NUP188: variants seen among roughly 807,000 people sequenced by gnomAD.
NUP188 encodes nucleoporin NUP188.
NUP188 carries 97 observed loss-of-function variants against 223.0 expected under a neutral mutation model. The ratio of observed to expected loss-of-function variants is 0.43; its 90% CI spans 0.37 to 0.51. The LOEUF is 0.51. Ranked by LOEUF, NUP188 falls within the 20% of genes least tolerant of loss-of-function variation. NUP188 has a pLI of 0.00. For synonymous variants in NUP188, 869 were observed against 828.0 expected (o/e 1.05, Z -0.85); for missense variants, 1,947 against 2,175.6 (o/e 0.89, Z 2.09).
At position 128,995,374 on chromosome 9, in the gene NUP188, C is replaced by G. The variant is rs147735262; in HGVS notation, c.3211C>G (p.Arg1071Gly). The change falls in exon 30 of 44, where the codon CGC becomes GGC. Residue 1071 changes from arginine to glycine, a missense_variant. By Grantham distance (125) the Arg-to-Gly change is moderately radical (BLOSUM62 -2). Coordinates refer to ENST00000372577, the MANE Select transcript of NUP188 (RefSeq NM_015354.3). ...ACTGAAGAAATTTTCCATCGAGAAA[C>G]GCTTTGCCTACTGGTCAGGGTATGT... ...DTLKKFSIEK[R>G]FAYWSGYVKS... 4 of 1,614,032 alleles carry G rather than the reference C, an allele frequency of 2.5e-6. No homozygotes were observed. Among genetic ancestry groups the G allele is most frequent in the Non-Finnish European group, 3.4e-6 (4 of 1,179,998 alleles).
chr9:128,990,144 C>T lies in NUP188; in HGVS notation c.2558C>T (p.Ala853Val). 1 of 1,614,012 alleles carries T rather than the reference C, an allele frequency of 6.2e-7. No individual in the cohort carries two copies. The highest frequency in any genetic ancestry group is 1.3e-5 in the African/African-American group (1 of 75,038). The change falls in exon 25 of 44, where the codon GCT (alanine) becomes GTT (valine). Residue 853 changes from alanine (A) to valine (V), a missense_variant. Transcript: ENST00000372577. ...GGTGCTCATGGAAACAACCTCATTGCTGTTCTAGCCAAATACATCTACCAC... is the reference window on the plus strand; with the variant it reads ...GGTGCTCATGGAAACAACCTCATTGTTGTTCTAGCCAAATACATCTACCAC... ...QHGAHGNNLIAVLAKYIYHKH... is the reference protein window; with the variant it reads ...QHGAHGNNLIVVLAKYIYHKH...
At chr9:128,953,019 A>G (rs927247155) in intron 3 of NUP188, 173 bp downstream of exon 3, 2 of 546,128 alleles carry the variant, frequency 3.7e-6, no homozygotes, top group Non-Finnish European at 6.6e-6. Flanking sequence ...GTTGACCGAA[A>G]GAAAAGGAAA....
chr9:128,984,369 G>A (rs573035164), intron 19 of NUP188, among the ~76,000 whole-genome samples: 57 of 152,032 alleles, frequency 3.7e-4, no homozygotes, highest in African/African-American at 1.2e-3. Flanking sequence ...CAACTGATCC[G>A]CCTGCCTTGG....
At chr9:128,981,239 G>C in intron 14 of NUP188, 25 bp from the exon 15 acceptor site, 1 of 1,610,038 alleles carries the variant, frequency 6.2e-7, no homozygotes, top group Non-Finnish European at 8.5e-7. Context: ...AGGGAAATGT[G>C]TGATGGTTTT....
At chr9:128,997,041 C>T (rs1485380027) in intron 30 of NUP188, among the ~76,000 whole-genome samples, 3 of 152,056 alleles carry the variant, frequency 2.0e-5, no homozygotes, top group East Asian at 1.9e-4. Flanking sequence ...TGATAATTTG[C>T]TGTGAAGGAA....
intron 20 of NUP188, chr9:128,985,256 G>A (rs1179292738): frequency 1.5e-5 from 6 of 394,874 alleles, no homozygotes; most frequent in Non-Finnish European, 2.7e-5. Context: ...TTATGAAGTA[G>A]AATGGAAGAG....
chr9:129,002,859 C>T lies in NUP188; in HGVS notation c.4180C>T (p.Pro1394Ser). ...SRKSLDAPSW[P>S]GVYRLSMSLM... ...GAAGTCCCTGGATGCCCCCTCTTGG[C>T]CAGGAGTCTACCGCCTGTCCATGTC... Residue 1394 changes from proline (P) to serine (S), a missense_variant, in exon 37 of 44, where the codon CCA becomes TCA. This residue lies in a region of NUP188 where 905 missense variants were observed against 990.6 expected (regional missense o/e 0.91). Coordinates refer to ENST00000372577, the MANE Select transcript of NUP188 (RefSeq NM_015354.3). The T allele has an allele frequency of 1.2e-6, 2 of 1,614,218 alleles. No individual in the cohort carries two copies. Among genetic ancestry groups the T allele is most frequent in the South Asian group, 1.1e-5 (1 of 91,090 alleles).
chr9:129,002,092 T>A, intron 36 of NUP188, 116 bp downstream of exon 36: 1 of 782,172 alleles, frequency 1.3e-6, no homozygotes, highest in Non-Finnish European at 2.2e-6. Flanking sequence ...CCTAATACAC[T>A]GATGGTGAGG....
intron 19 of NUP188, among the ~76,000 whole-genome samples, chr9:128,984,124 ATTT>A (rs1193631566): frequency 6.4e-5 from 6 of 93,038 alleles, no homozygotes; most frequent in Non-Finnish European, 9.9e-5. Context: ...GCCTGGCCTG[ATTT>A]TTTTTTTTTT....
chr9:128,981,441 C>A, intron 15 of NUP188, 51 bp downstream of exon 15: 1 of 1,534,736 alleles, frequency 6.5e-7, no homozygotes, highest in Non-Finnish European at 8.8e-7. Flanking sequence ...TTTTTGATGT[C>A]TTGCTCTGTC....
intron 34 of NUP188, 84 bp from the exon 35 acceptor site, chr9:129,001,445 G>T: frequency 7.5e-7 from 1 of 1,337,814 alleles, no homozygotes; most frequent in African/African-American, 1.4e-5. Context: ...AGCAGGTCTT[G>T]GGCAACCAGG....
Position 128,981,337 on chromosome 9 carries a change from A to G in NUP188, c.1463A>G (p.His488Arg). ...YKHKPHDVIS[H>R]EDGTLWRRQT... The stretch of plus-strand genomic sequence containing the variant: ...CACAAGCCTCATGATGTGATCTCCC[A>G]TGAAGATGGAACTCTTTGGCGGAGA... The change falls in exon 15 of 44, where the codon CAT becomes CGT. Residue 488 changes from histidine (H) to arginine (R), a missense_variant. Transcript: ENST00000372577. 1 of 1,614,022 alleles carries G rather than the reference A, an allele frequency of 6.2e-7. No homozygotes were observed. Among genetic ancestry groups the G allele is most frequent in the Non-Finnish European group, 8.5e-7 (1 of 1,179,922 alleles).
At chr9:128,989,214 A>G (rs542857170) in intron 24 of NUP188, among the ~76,000 whole-genome samples, 2 of 152,104 alleles carry the variant, frequency 1.3e-5, no homozygotes, top group Non-Finnish European at 2.9e-5. Context: ...TGGGCAAAAT[A>G]AGGAGACCTC....
At chr9:128,971,557 T>G (rs1842104607) in intron 11 of NUP188, among the ~76,000 whole-genome samples, 1 of 152,032 alleles carries the variant, frequency 6.6e-6, no homozygotes, top group Non-Finnish European at 1.5e-5. Context: ...TAGCTGGGAC[T>G]ACGGGTGCCT....
Position 128,989,293 on chromosome 9 carries a change from C to G in NUP188, c.2534-827C>G, listed in dbSNP as rs1436644410. Among the ~76,000 whole-genome samples the G allele has an allele frequency of 4.6e-5, 7 of 152,252 alleles. No individual in the cohort carries two copies. The East Asian group carries it at 1.2e-3, about 25-fold the overall frequency. On this transcript the variant is annotated intron_variant, in intron 24 of 43. Transcript: ENST00000372577. ...GCATATGCCTGTGGTCCCAGCTACT[C>G]AGGAGGCTGAGGTTGGGGGATTGTT...
chr9:128,996,657 A>C (rs1842531497), intron 30 of NUP188, among the ~76,000 whole-genome samples: 1 of 152,086 alleles, frequency 6.6e-6, no homozygotes. Context: ...TTAAAGGCTC[A>C]CCTGTCTTTG....
chr9:128,993,460 G>C, intron 26 of NUP188, 57 bp downstream of exon 26: 1 of 1,611,904 alleles, frequency 6.2e-7, no homozygotes, highest in Non-Finnish European at 8.5e-7. Flanking sequence ...GCAGATGCTG[G>C]GCTCTGCAAG....
chr9:128,957,675 A>C (rs868731894), intron 5 of NUP188, among the ~76,000 whole-genome samples: 2 of 152,060 alleles, frequency 1.3e-5, no homozygotes, highest in Non-Finnish European at 2.9e-5. Context: ...CGTGTTAGCC[A>C]GGATGGTCTC....
Position 128,956,411 on chromosome 9 carries a change from G to C in NUP188, c.223G>C (p.Gly75Arg), listed in dbSNP as rs1437495892. ...TGTAGCTTCACCATTGAAGGAACTG[G>C]GTTTAAGAATCAGCAAGTTTTTGGT... ...KDVASPLKEL[G>R]LRISKFLGLD... The change falls in exon 4 of 44, where the codon GGT (glycine) becomes CGT (arginine). Residue 75 changes from glycine (G) to arginine (R), a missense_variant. By Grantham distance (125) the Gly-to-Arg change is moderately radical. Coordinates refer to ENST00000372577, the MANE Select transcript of NUP188 (RefSeq NM_015354.3). 1 of 1,577,438 alleles carries C rather than the reference G, an allele frequency of 6.3e-7. No homozygotes were observed. Among genetic ancestry groups the C allele is most frequent in the Admixed American group, 1.9e-5 (1 of 53,384 alleles).
Sources: gnomAD v4.1 joint callset for allele counts (sites outside exome capture counted in the v4.1 genomes callset) on GRCh38, gnomAD v4.1.1 for gene constraint, gnomAD v4.1.1 regional missense constraint, MANE v1.5 for transcripts, NCBI Gene and HGNC (gene_info 2026-07-23, HGNC 2026-07-21) for gene names.